CCDC60: variants seen among roughly 807,000 people sequenced by gnomAD.
CCDC60 encodes the protein coiled-coil domain-containing protein 60.
A neutral mutation model predicts 63.5 loss-of-function variants in CCDC60; 54 were observed. The observed-to-expected ratio is 0.85, with a 90% CI of 0.68 to 1.07. The LOEUF (loss-of-function observed/expected upper bound fraction) is 1.07. Ranked by LOEUF, CCDC60 falls within the 50% of genes least tolerant of loss-of-function variation. The probability of loss-of-function intolerance (pLI) is 0.00; values close to 1 mark genes in which losing one functional copy is unlikely to be tolerated. For synonymous variants in CCDC60, 206 were observed against 238.8 expected (o/e 0.86, Z 1.27); for missense variants, 651 against 684.3 (o/e 0.95, Z 0.54).
chr12:119,351,550 A>G (rs1445014733), intron 1 of CCDC60, among the ~76,000 whole-genome samples: 1 of 152,236 alleles, frequency 6.6e-6, no homozygotes, highest in Non-Finnish European at 1.5e-5. Context: ...CTTACATGGC[A>G]GGAGCAGGAC....
chr12:119,451,343 T>C (rs573265295), intron 2 of CCDC60, among the ~76,000 whole-genome samples: 17 of 152,240 alleles, frequency 1.1e-4, no homozygotes, highest in African/African-American at 3.4e-4. Flanking sequence ...TGTAGGGTGA[T>C]AGGGGGTTTA....
chr12:119,508,961 G>A (rs149136834), intron 7 of CCDC60, among the ~76,000 whole-genome samples: 71 of 152,186 alleles, frequency 4.7e-4, no homozygotes, highest in African/African-American at 1.4e-3. Flanking sequence ...GAACACTGGC[G>A]CTGGTGGCAG....
chr12:119,485,613 G>A (rs910189962), intron 4 of CCDC60, among the ~76,000 whole-genome samples: 4 of 152,074 alleles, frequency 2.6e-5, no homozygotes, highest in African/African-American at 4.8e-5. Context: ...CAGCCCTGGC[G>A]TCTCTTTAGG....
intron 4 of CCDC60, among the ~76,000 whole-genome samples, chr12:119,488,259 G>A (rs777198082): frequency 6.6e-6 from 1 of 152,168 alleles, no homozygotes; most frequent in Non-Finnish European, 1.5e-5. Flanking sequence ...GGGGGGAGAA[G>A]AACAATTAAT....
At position 119,528,817 on chromosome 12, in the gene CCDC60, T is replaced by A. The variant is rs978518923; in HGVS notation, c.1361+71T>A. On this transcript the variant is annotated intron_variant, in intron 12 of 13. Transcript: ENST00000327554. ...GGGTGTTGTTATTACAAGATCACTATTGATTCCACTGTCCTTCAAGGCATA... is the reference window on the plus strand; with the variant it reads ...GGGTGTTGTTATTACAAGATCACTAATGATTCCACTGTCCTTCAAGGCATA... The A allele has an allele frequency of 2.0e-6, 3 of 1,490,540 alleles. No homozygotes were observed. The East Asian group carries it at 6.9e-5, about 35-fold the overall frequency. 92.3% of individuals were successfully genotyped at this position (1,490,540 alleles called of 1,614,324 possible).
intron 1 of CCDC60, among the ~76,000 whole-genome samples, chr12:119,417,422 A>T (rs1956721804): frequency 6.6e-6 from 1 of 151,880 alleles, no homozygotes; most frequent in Admixed American, 6.6e-5. Context: ...CATCAGCAAG[A>T]TTTTTCTTTC....
intron 1 of CCDC60, among the ~76,000 whole-genome samples, chr12:119,393,356 T>TA (rs532551730): frequency 6.6e-6 from 1 of 152,220 alleles, no homozygotes; most frequent in Non-Finnish European, 1.5e-5. Flanking sequence ...CATTTCACAA[T>TA]AGCATCCAAG....
intron 6 of CCDC60, among the ~76,000 whole-genome samples, chr12:119,503,817 C>T (rs1420324415): frequency 6.6e-6 from 1 of 152,202 alleles, no homozygotes; most frequent in African/African-American, 2.4e-5. Flanking sequence ...CTCCACCCTG[C>T]GCAATGTGTA....
chr12:119,497,860 C>A lies in CCDC60; in HGVS notation c.558-2218C>A, dbSNP rs75266591. ...ACTGAAGGATTGCTCCTTCTTCTGG[C>A]TGGATTTTAAATATCCCCTAATTTG... On this transcript the variant is annotated intron_variant, in intron 5 of 13. Transcript: ENST00000327554. 8.0e-3 allele frequency among the ~76,000 whole-genome samples: 1,215 copies of A among 152,216 alleles called. 22 individuals are homozygous for A. The highest frequency in any genetic ancestry group is 0.028 in the African/African-American group (1,153 of 41,510).
In CCDC60 at chr12:119,410,201, C is replaced by CTGTG. The variant is rs975220282; in HGVS notation, c.91-18465_91-18462dup. 6.0e-3 allele frequency among the ~76,000 whole-genome samples: 191 copies of CTGTG among 31,830 alleles called. 2 individuals carry two copies. The highest frequency in any genetic ancestry group is 0.013 in the African/African-American group (182 of 14,258). 20.9% of individuals were successfully genotyped at this position (31,830 alleles called of 152,430 possible). ...GGAAAGAGTGTGTGTGTGTGTGTGT[C>CTGTG]TGTGTGTGTGTGTGTGTGTGGTTTC... is the stretch of plus-strand genomic sequence containing the variant. On this transcript the variant is annotated intron_variant, in intron 1 of 13. Transcript: ENST00000327554. This position sits in a 1 kb window ranked among gnomAD's most constrained non-coding sequence, Gnocchi z 4.0.
At chr12:119,360,828 C>T (rs1235361291) in intron 1 of CCDC60, among the ~76,000 whole-genome samples, 1 of 152,158 alleles carries the variant, frequency 6.6e-6, no homozygotes, top group Non-Finnish European at 1.5e-5. Flanking sequence ...CATGCCACTG[C>T]ACTCCAGCCT....
chr12:119,536,153 C>T (rs1399914445), intron 13 of CCDC60, among the ~76,000 whole-genome samples: 2 of 152,058 alleles, frequency 1.3e-5, no homozygotes, highest in African/African-American at 2.4e-5. Flanking sequence ...TGAATTGATC[C>T]CTTTACCATT....
chr12:119,409,528 A>G (rs967099648), intron 1 of CCDC60, among the ~76,000 whole-genome samples: 14 of 152,166 alleles, frequency 9.2e-5, no homozygotes, highest in African/African-American at 3.4e-4. Context: ...ACCTTAATGA[A>G]TGACATCTTT....
intron 3 of CCDC60, among the ~76,000 whole-genome samples, chr12:119,475,214 ATGGCTCTTTTT>A (rs889192534): frequency 6.6e-6 from 1 of 152,232 alleles, no homozygotes; most frequent in Non-Finnish European, 1.5e-5. Flanking sequence ...GCATGAACTC[ATGGCTCTTTTT>A]TCAGGAGCTA....
At chr12:119,473,668 ATAGCT>A (rs1019126217) in intron 3 of CCDC60, among the ~76,000 whole-genome samples, 1 of 152,058 alleles carries the variant, frequency 6.6e-6, no homozygotes, top group Admixed American at 6.6e-5. Flanking sequence ...TTGCATCCTC[ATAGCT>A]TAGCTCCCAC....
chr12:119,419,044 G>A (rs578261674), intron 1 of CCDC60, among the ~76,000 whole-genome samples: 1 of 152,348 alleles, frequency 6.6e-6, no homozygotes, highest in East Asian at 1.9e-4. Flanking sequence ...TTCCCCATCA[G>A]TGGGCACTGG....
intron 1 of CCDC60, among the ~76,000 whole-genome samples, chr12:119,340,421 G>T (rs1000324867): frequency 1.3e-5 from 2 of 152,150 alleles, no homozygotes; most frequent in Non-Finnish European, 1.5e-5. Flanking sequence ...GATCCCCAGG[G>T]TCTAGTTCTC....
At chr12:119,469,201 C>T (rs1310889277) in intron 2 of CCDC60, among the ~76,000 whole-genome samples, 1 of 152,126 alleles carries the variant, frequency 6.6e-6, no homozygotes, top group Admixed American at 6.6e-5. Flanking sequence ...GATTTCTTCC[C>T]AGCTGCAGAC....
At chr12:119,445,001 A>G (rs1566013292) in intron 2 of CCDC60, among the ~76,000 whole-genome samples, 1 of 152,036 alleles carries the variant, frequency 6.6e-6, no homozygotes, top group Non-Finnish European at 1.5e-5. Context: ...GTGGAAGGCA[A>G]TGTTTCCCCA....
Sources: allele counts gnomAD v4.1 joint callset (sites outside exome capture counted in the v4.1 genomes callset), GRCh38; gene constraint gnomAD v4.1.1; non-coding constraint Gnocchi (gnomAD v3.1); transcripts MANE v1.5; gene names NCBI Gene and HGNC (gene_info 2026-07-23, HGNC 2026-07-21).